The following CNTNAP2 variants were observed in gnomAD, a reference collection of about 807,000 sequenced individuals.
CNTNAP2 encodes the protein contactin-associated protein-like 2.
In CNTNAP2, 98 loss-of-function variants were observed where a neutral mutation model predicts 155.2. The ratio of observed to expected loss-of-function variants is 0.63; its 90% CI spans 0.54 to 0.75. The LOEUF (loss-of-function observed/expected upper bound fraction) is 0.75, where lower values mean the gene tolerates loss of function less well. Among genes scored for constraint, CNTNAP2 ranks in the 30% least tolerant of loss-of-function variants. The pLI is 0.00. For synonymous variants in CNTNAP2, 651 were observed against 631.2 expected (o/e 1.03, Z -0.47); for missense variants, 1,727 against 1,688.1 (o/e 1.02, Z -0.40).
chr7:147,465,208 CTT>C (rs1798099018), intron 10 of CNTNAP2, among the ~76,000 whole-genome samples: 2 of 152,116 alleles, frequency 1.3e-5, no homozygotes, highest in East Asian at 1.9e-4. Flanking sequence ...CTACGGAAAA[CTT>C]TATTTATTAT....
intron 12 of CNTNAP2, among the ~76,000 whole-genome samples, chr7:147,632,752 GC>G (rs1795108678): frequency 6.6e-6 from 1 of 152,196 alleles, no homozygotes; most frequent in African/African-American, 2.4e-5. Flanking sequence ...AGTTTGGAGG[GC>G]TCAGAATAAG....
At chr7:146,591,098 T>C (rs1434476573) in intron 1 of CNTNAP2, among the ~76,000 whole-genome samples, 1 of 152,122 alleles carries the variant, frequency 6.6e-6, no homozygotes, top group African/African-American at 2.4e-5. Context: ...GATGGTGCAA[T>C]GTATACAAGC....
chr7:147,423,574 G>A (rs542691023), intron 10 of CNTNAP2, among the ~76,000 whole-genome samples: 2 of 152,198 alleles, frequency 1.3e-5, no homozygotes, highest in East Asian at 1.9e-4. Context: ...TTTAATGCCT[G>A]GTTCACTGCT....
chr7:148,314,880 C>A (rs1797659805), intron 21 of CNTNAP2, among the ~76,000 whole-genome samples: 1 of 152,170 alleles, frequency 6.6e-6, no homozygotes, highest in African/African-American at 2.4e-5. Flanking sequence ...CAGTCCGTGA[C>A]CGGTGCCGGA....
At chr7:147,809,676 T>G (rs1464882565) in intron 13 of CNTNAP2, among the ~76,000 whole-genome samples, 1 of 152,252 alleles carries the variant, frequency 6.6e-6, no homozygotes, top group Non-Finnish European at 1.5e-5. Flanking sequence ...TATCAGTTAT[T>G]GGCTCCACAA....
intron 8 of CNTNAP2, among the ~76,000 whole-genome samples, chr7:147,275,478 C>T (rs180970287): frequency 5.9e-5 from 9 of 151,778 alleles, no homozygotes; most frequent in Admixed American, 4.6e-4. Context: ...TGGTTCTCAG[C>T]TCGAATGCTA....
intron 1 of CNTNAP2, among the ~76,000 whole-genome samples, chr7:146,127,320 G>A (rs372685476): frequency 1.3e-5 from 2 of 152,142 alleles, no homozygotes; most frequent in South Asian, 2.1e-4. Context: ...CTAATCACAG[G>A]TGAAATACTA....
chr7:148,304,474 T>G (rs1326307507), intron 21 of CNTNAP2, among the ~76,000 whole-genome samples: 2 of 152,230 alleles, frequency 1.3e-5, no homozygotes, highest in African/African-American at 4.8e-5. Context: ...TATATTCACC[T>G]GCTACTTGAG....
intron 3 of CNTNAP2, among the ~76,000 whole-genome samples, chr7:146,857,915 G>A (rs1795022693): frequency 6.6e-6 from 1 of 151,918 alleles, no homozygotes; most frequent in Non-Finnish European, 1.5e-5. Context: ...GGGGTGATAA[G>A]AATTTCCTGA....
intron 22 of CNTNAP2, among the ~76,000 whole-genome samples, chr7:148,405,555 G>GC (rs35995215): frequency 0.35 from 49,719 of 140,162 alleles, 10,716 homozygotes; most frequent in East Asian, 0.59. Flanking sequence ...TCCTGCTTCA[G>GC]CCTCCTGAGT....
At chr7:147,609,373 T>C (rs1055761939) in intron 12 of CNTNAP2, among the ~76,000 whole-genome samples, 7 of 151,908 alleles carry the variant, frequency 4.6e-5, no homozygotes, top group Admixed American at 1.3e-4. Flanking sequence ...CCACTAAAAA[T>C]ACAAAAAATT....
chr7:146,337,194 C>G (rs559080961), intron 1 of CNTNAP2, among the ~76,000 whole-genome samples: 7 of 151,920 alleles, frequency 4.6e-5, no homozygotes, highest in South Asian at 4.2e-4. Flanking sequence ...AAATTTAAAG[C>G]TTAAATGTTA....
chr7:146,879,333 A>T (rs1197162344), intron 3 of CNTNAP2, among the ~76,000 whole-genome samples: 3 of 152,156 alleles, frequency 2.0e-5, no homozygotes, highest in Admixed American at 6.6e-5. Context: ...CCAGTTATAT[A>T]AGATATTCCC....
At chr7:146,917,383 G>A (rs902569590) in intron 3 of CNTNAP2, among the ~76,000 whole-genome samples, 1 of 152,090 alleles carries the variant, frequency 6.6e-6, no homozygotes, top group African/African-American at 2.4e-5. Flanking sequence ...TTGATAACCT[G>A]TCCAGTGCTG....
At chr7:147,026,152 A>G (rs902884601) in intron 3 of CNTNAP2, among the ~76,000 whole-genome samples, 3 of 152,062 alleles carry the variant, frequency 2.0e-5, no homozygotes, top group Non-Finnish European at 4.4e-5. Context: ...CCAGCCTGAC[A>G]TCGTTTTTAT....
At chr7:147,559,590 G>A (rs1174215138) in intron 11 of CNTNAP2, among the ~76,000 whole-genome samples, 1 of 152,058 alleles carries the variant, frequency 6.6e-6, no homozygotes, top group Non-Finnish European at 1.5e-5. Context: ...TTTGGCAGAA[G>A]AAAAAGACAA....
chr7:148,351,502 T>A (rs1798424368), intron 21 of CNTNAP2, among the ~76,000 whole-genome samples: 1 of 151,854 alleles, frequency 6.6e-6, no homozygotes, highest in Non-Finnish European at 1.5e-5. Context: ...CCCAGTACTT[T>A]GGGAGGCCGA....
rs148436856 is a variant in CNTNAP2 at position 147,729,847 on chromosome 7, A to G, written c.2098+90541A>G. 3.2e-3 allele frequency among the ~76,000 whole-genome samples: 492 copies of G among 152,218 alleles called. 6 individuals carry two copies. Among genetic ancestry groups the G allele is most frequent in the African/African-American group, 0.011 (463 of 41,546 alleles). On this transcript the variant is annotated intron_variant, in intron 13 of 23. Coordinates refer to ENST00000361727, the MANE Select transcript of CNTNAP2 (RefSeq NM_014141.6). ...GGCACCATTATAGAACATGACTTTT[A>G]CTAGGAAAAGATGAGAGAAAAAAGA...
At chr7:146,722,805 A>T (rs1801361614) in intron 1 of CNTNAP2, among the ~76,000 whole-genome samples, 1 of 152,108 alleles carries the variant, frequency 6.6e-6, no homozygotes, top group South Asian at 2.1e-4. Flanking sequence ...TTACGAGGTC[A>T]GGAGTTCGAG....
Sources: gnomAD v4.1 joint callset for allele counts (sites outside exome capture counted in the v4.1 genomes callset) on GRCh38, gnomAD v4.1.1 for gene constraint, MANE v1.5 for transcripts, NCBI Gene and HGNC (gene_info 2026-07-23, HGNC 2026-07-21) for gene names.